Variants in PPFIA2 observed in about 807,000 individuals in gnomAD.
The protein encoded by PPFIA2 is PPFI scaffold protein A2, also known as liprin-alpha-2.
Under a neutral mutation model 175.5 loss-of-function variants are expected in PPFIA2, and 46 were observed. The ratio of observed to expected loss-of-function variants is 0.26; its 90% confidence interval spans 0.21 to 0.34. The LOEUF (loss-of-function observed/expected upper bound fraction) is 0.34, where lower values mean the gene tolerates loss of function less well. Ranked by LOEUF, PPFIA2 falls within the 10% of genes least tolerant of loss-of-function variation. The probability of loss-of-function intolerance (pLI) is 1.00; values close to 1 mark genes in which losing one functional copy is unlikely to be tolerated. For synonymous variants in PPFIA2, 568 were observed against 511.4 expected (o/e 1.11, Z -1.49); for missense variants, 1,179 against 1,506.1 (o/e 0.78, Z 3.60).
chr12:81,556,959 G>A (rs1366183003), intron 4 of PPFIA2, among the ~76,000 whole-genome samples: 1 of 151,754 alleles, frequency 6.6e-6, no homozygotes, highest in Non-Finnish European at 1.5e-5. Context: ...TTCAATAAAA[G>A]TCAAGCTGTT....
chr12:81,732,036 C>T lies in PPFIA2; in HGVS notation c.249+21937G>A, dbSNP rs140735799. Among the ~76,000 whole-genome samples, 140 of 151,578 alleles carry T rather than the reference C, an allele frequency of 9.2e-4. 2 individuals carry two copies. Among genetic ancestry groups the T allele is most frequent in the Admixed American group, 2.9e-3 (44 of 15,140 alleles). The stretch of plus-strand genomic sequence containing the variant: ...CTATGTCACAGGATGATATGAGAAA[C>T]ACATGTGAATATAACATGGACTGTG... On this transcript the variant is annotated intron_variant, in intron 3 of 32. Coordinates refer to ENST00000549396, the MANE Select transcript of PPFIA2 (RefSeq NM_003625.5).
intron 3 of PPFIA2, among the ~76,000 whole-genome samples, chr12:81,738,942 T>C (rs1203382259): frequency 5.3e-5 from 8 of 151,872 alleles, no homozygotes; most frequent in Non-Finnish European, 1.2e-4. Flanking sequence ...CTATTACTAC[T>C]AGTAATAAAA....
At chr12:81,680,104 A>G (rs952391523) in intron 3 of PPFIA2, among the ~76,000 whole-genome samples, 3 of 151,978 alleles carry the variant, frequency 2.0e-5, no homozygotes, top group Admixed American at 1.3e-4. Flanking sequence ...CTTCCTAGAA[A>G]GTTTTTTGAC....
intron 7 of PPFIA2, among the ~76,000 whole-genome samples, chr12:81,426,201 T>C (rs1255538605): frequency 2.0e-5 from 3 of 152,114 alleles, no homozygotes. Flanking sequence ...CAAAGATTGA[T>C]TGACGTTCCT....
intron 17 of PPFIA2, among the ~76,000 whole-genome samples, chr12:81,349,407 G>T (rs1424095593): frequency 6.6e-6 from 1 of 152,048 alleles, no homozygotes; most frequent in Non-Finnish European, 1.5e-5. Context: ...CTTAGAAAAA[G>T]AACATGAATT....
intron 4 of PPFIA2, among the ~76,000 whole-genome samples, chr12:81,533,727 C>CTATCTATA (rs1242747647): frequency 3.3e-5 from 4 of 119,792 alleles, no homozygotes; most frequent in African/African-American, 1.3e-4. Context: ...ATCTATCTAT[C>CTATCTATA]TATCTATCTA....
chr12:81,716,565 C>CAG (rs1159490267), intron 3 of PPFIA2, among the ~76,000 whole-genome samples: 2 of 151,418 alleles, frequency 1.3e-5, no homozygotes, highest in Non-Finnish European at 3.0e-5. Flanking sequence ...CACACACACA[C>CAG]ACACACACAC....
chr12:81,526,432 C>T (rs2063741502), intron 4 of PPFIA2, among the ~76,000 whole-genome samples: 1 of 152,148 alleles, frequency 6.6e-6, no homozygotes, highest in Non-Finnish European at 1.5e-5. Context: ...CCTGTACCAC[C>T]ATTGCTGAAT....
chr12:81,631,084 T>C (rs975335856), intron 4 of PPFIA2, among the ~76,000 whole-genome samples: 2 of 151,722 alleles, frequency 1.3e-5, no homozygotes, highest in Non-Finnish European at 1.5e-5. Flanking sequence ...TTTGTAGAGA[T>C]AGAGTTTTGC....
chr12:81,746,383 A>G (rs1250625251), intron 3 of PPFIA2, among the ~76,000 whole-genome samples: 1 of 144,114 alleles, frequency 6.9e-6, no homozygotes, highest in Non-Finnish European at 1.6e-5. Context: ...AGTGTCAAAT[A>G]AAACAAACCT....
intron 4 of PPFIA2, among the ~76,000 whole-genome samples, chr12:81,497,309 T>C (rs1186531998): frequency 6.6e-6 from 1 of 152,292 alleles, no homozygotes; most frequent in South Asian, 2.1e-4. Flanking sequence ...ACGAGATGCT[T>C]CTAAATTTCT....
At chr12:81,642,816 AC>A (rs2065465230) in intron 4 of PPFIA2, among the ~76,000 whole-genome samples, 2 of 129,426 alleles carry the variant, frequency 1.5e-5, no homozygotes, top group African/African-American at 5.7e-5. Flanking sequence ...TGTATTACAT[AC>A]ATGTATATGT....
At chr12:81,541,733 T>C (rs1017161475) in intron 4 of PPFIA2, among the ~76,000 whole-genome samples, 4 of 152,158 alleles carry the variant, frequency 2.6e-5, no homozygotes, top group African/African-American at 9.7e-5. Flanking sequence ...ACTGCTGGAC[T>C]AAAAAGACTT....
chr12:81,713,214 A>G (rs1335622009), intron 3 of PPFIA2, among the ~76,000 whole-genome samples: 1 of 151,152 alleles, frequency 6.6e-6, no homozygotes, highest in Non-Finnish European at 1.5e-5. Flanking sequence ...AAGCACATTA[A>G]TTTAATTAAG....
At position 81,440,053 on chromosome 12, in the gene PPFIA2, GA is replaced by G. The variant is rs771204036; in HGVS notation, c.571-8del. 4 of 1,590,746 alleles carry G rather than the reference GA, an allele frequency of 2.5e-6. No homozygotes were observed. Among genetic ancestry groups the G allele is most frequent in the Non-Finnish European group, 2.6e-6 (3 of 1,171,422 alleles). Reference sequence around the variant, plus strand: ...CCCTCAGTCGCTCCCTTACCTAGAAGAAAAATCAAAATATGTGCAGTAATGT... The same window carrying G: ...CCCTCAGTCGCTCCCTTACCTAGAAGAAAATCAAAATATGTGCAGTAATGT... On this transcript the variant is annotated splice_region_variant and splice_polypyrimidine_tract_variant and intron_variant, in intron 6 of 32. Transcript: ENST00000549396.
chr12:81,538,380 T>G (rs2065713989), intron 4 of PPFIA2, among the ~76,000 whole-genome samples: 1 of 151,874 alleles, frequency 6.6e-6, no homozygotes. Context: ...CATGGATATA[T>G]TATTATATAA....
At chr12:81,614,428 G>A (rs1485638087) in intron 4 of PPFIA2, among the ~76,000 whole-genome samples, 2 of 152,022 alleles carry the variant, frequency 1.3e-5, no homozygotes, top group Non-Finnish European at 2.9e-5. Context: ...TGGGTAGCAT[G>A]GAATCATAGA....
chr12:81,546,298 T>G (rs2066983020), intron 4 of PPFIA2: 1 of 152,156 alleles, frequency 6.6e-6, no homozygotes, highest in African/African-American at 2.4e-5. Context: ...CATTTACAGC[T>G]TACCACTGTT....
chr12:81,602,604 G>A (rs2059908719), intron 4 of PPFIA2, among the ~76,000 whole-genome samples: 1 of 151,678 alleles, frequency 6.6e-6, no homozygotes, highest in Non-Finnish European at 1.5e-5. Context: ...AAAACATCTG[G>A]CTTTCAAAAA....
Sources: gnomAD v4.1 joint callset for allele counts (sites outside exome capture counted in the v4.1 genomes callset) on GRCh38, gnomAD v4.1.1 for gene constraint, MANE v1.5 for transcripts, NCBI Gene and HGNC (gene_info 2026-07-23, HGNC 2026-07-21) for gene names.